The following DGKB variants were observed in gnomAD, a reference collection of about 807,000 sequenced individuals.
DGKB encodes 90 kDa diacylglycerol kinase.
DGKB carries 67 observed loss-of-function variants against 114.3 expected under a neutral mutation model. That is an observed-to-expected ratio of 0.59 (90% confidence interval 0.48 to 0.72). The LOEUF is 0.72. Ranked by LOEUF, DGKB falls within the 30% of genes least tolerant of loss-of-function variation. DGKB has a pLI of 0.00. For missense variants in DGKB, 907 were observed against 975.2 expected, an observed-to-expected ratio of 0.93 and a Z score of 0.93; for synonymous variants, 398 against 323.1, an observed-to-expected ratio of 1.23 and a Z score of -2.49.
intron 19 of DGKB, among the ~76,000 whole-genome samples, chr7:14,579,956 T>C (rs751383255): frequency 1.3e-5 from 2 of 152,200 alleles, no homozygotes; most frequent in Non-Finnish European, 2.9e-5. Flanking sequence ...GCTAAAAATA[T>C]TTAGCATTCA....
intron 1 of DGKB, among the ~76,000 whole-genome samples, chr7:14,929,327 G>C (rs1185947846): frequency 6.6e-6 from 1 of 152,042 alleles, no homozygotes; most frequent in Non-Finnish European, 1.5e-5. Context: ...CATAGAGGTT[G>C]TACTAAAGTA....
chr7:14,401,998 G>T (rs1823194136), intron 21 of DGKB, among the ~76,000 whole-genome samples: 1 of 150,118 alleles, frequency 6.7e-6, no homozygotes, highest in Admixed American at 6.7e-5. Flanking sequence ...CCGCTATTCA[G>T]CTATGATGAA....
intron 20 of DGKB, among the ~76,000 whole-genome samples, chr7:14,551,395 A>G (rs1019023216): frequency 2.6e-5 from 4 of 152,156 alleles, no homozygotes; most frequent in African/African-American, 9.7e-5. Context: ...TTGTTTCTGG[A>G]TATGTTCTAC....
intron 21 of DGKB, among the ~76,000 whole-genome samples, chr7:14,439,741 G>A (rs142572783): frequency 9.4e-4 from 142 of 151,852 alleles, no homozygotes; most frequent in African/African-American, 3.3e-3. Context: ...GCAGGTGCCT[G>A]TAATCCCAGC....
At chr7:14,920,267 A>G (rs970258980) in intron 1 of DGKB, among the ~76,000 whole-genome samples, 2 of 152,214 alleles carry the variant, frequency 1.3e-5, no homozygotes, top group African/African-American at 4.8e-5. Flanking sequence ...CTGATAATGC[A>G]CTTTTAGTAA....
intron 20 of DGKB, among the ~76,000 whole-genome samples, chr7:14,524,638 C>T: frequency 6.6e-6 from 1 of 151,814 alleles, no homozygotes; most frequent in East Asian, 1.9e-4. Flanking sequence ...TGCCTGTAGT[C>T]CCAGCCATTC....
At chr7:14,376,086 G>T (rs1818440002) in intron 21 of DGKB, among the ~76,000 whole-genome samples, 1 of 152,198 alleles carries the variant, frequency 6.6e-6, no homozygotes, top group Non-Finnish European at 1.5e-5. Flanking sequence ...GAGACTAGAA[G>T]TGACTCTCTC....
intron 2 of DGKB, among the ~76,000 whole-genome samples, chr7:14,831,716 T>A (rs906639323): frequency 6.6e-6 from 1 of 152,124 alleles, no homozygotes; most frequent in Non-Finnish European, 1.5e-5. Context: ...TGCAGCAGGC[T>A]ATCTTATTAC....
At chr7:14,361,733 C>A (rs537159228) in intron 21 of DGKB, among the ~76,000 whole-genome samples, 1 of 152,058 alleles carries the variant, frequency 6.6e-6, no homozygotes, top group Admixed American at 6.6e-5. Context: ...ATACCATTTT[C>A]TCCTATTTAA....
chr7:14,547,449 A>G (rs1302858843), intron 20 of DGKB, among the ~76,000 whole-genome samples: 5 of 152,202 alleles, frequency 3.3e-5, no homozygotes, highest in African/African-American at 1.2e-4. Context: ...ATTACTTAGC[A>G]AATTACAACT....
At chr7:14,618,467 C>T (rs190505549) in intron 15 of DGKB, among the ~76,000 whole-genome samples, 57 of 151,774 alleles carry the variant, frequency 3.8e-4, no homozygotes, top group Non-Finnish European at 7.5e-4. Context: ...GTAACTTCAA[C>T]ATAAACACAG....
rs1377931243 is a variant in DGKB at position 14,582,132 on chromosome 7, A to G, written c.1519+920T>C. On this transcript the variant is annotated intron_variant, in intron 18 of 25. Transcript: ENST00000402815. ...TATACAGAAGGTAAAACTTCTTTTG[A>G]ATCAATTCGTTTTATGAAAGGGCCT... Among the ~76,000 whole-genome samples, 4 of 152,326 alleles carry G rather than the reference A, an allele frequency of 2.6e-5. No homozygotes were observed. The East Asian group carries it at 5.8e-4, about 22-fold the overall frequency.
intron 13 of DGKB, among the ~76,000 whole-genome samples, chr7:14,655,896 AAG>A (rs971198158): frequency 1.3e-5 from 2 of 151,682 alleles, no homozygotes; most frequent in Non-Finnish European, 3.0e-5. Flanking sequence ...GAGAAAGGCA[AAG>A]AGAGAAGTTG....
intron 1 of DGKB, among the ~76,000 whole-genome samples, chr7:14,911,093 G>A (rs1017725441): frequency 4.6e-5 from 7 of 151,804 alleles, no homozygotes; most frequent in African/African-American, 1.7e-4. Context: ...TATATATATT[G>A]ACCTTACAAT....
At chr7:14,441,457 G>T (rs1159413815) in intron 21 of DGKB, among the ~76,000 whole-genome samples, 3 of 151,870 alleles carry the variant, frequency 2.0e-5, no homozygotes, top group Admixed American at 6.6e-5. Flanking sequence ...TTTTGTGTTT[G>T]TTTGATGCAC....
chr7:14,957,112 C>A (rs1282470526), intron 1 of DGKB, among the ~76,000 whole-genome samples: 2 of 151,784 alleles, frequency 1.3e-5, no homozygotes, highest in East Asian at 3.9e-4. Context: ...CAAAGTTTAG[C>A]ATCTAATTAA....
intron 5 of DGKB, among the ~76,000 whole-genome samples, chr7:14,721,186 C>G (rs1180346245): frequency 6.6e-6 from 1 of 152,032 alleles, no homozygotes; most frequent in Admixed American, 6.6e-5. Context: ...GAAAGAAAGC[C>G]AAATATATTA....
At chr7:14,951,713 A>C (rs890829855) in intron 1 of DGKB, among the ~76,000 whole-genome samples, 3 of 151,964 alleles carry the variant, frequency 2.0e-5, no homozygotes, top group African/African-American at 7.2e-5. Context: ...AAATTACCAC[A>C]CTAATGCAAG....
chr7:14,922,661 G>A (rs1245849408), intron 1 of DGKB, among the ~76,000 whole-genome samples: 2 of 152,078 alleles, frequency 1.3e-5, no homozygotes, highest in Non-Finnish European at 2.9e-5. Flanking sequence ...AGCTAGGATA[G>A]TATTGTTACC....
Sources: gnomAD v4.1 joint callset for allele counts (sites outside exome capture counted in the v4.1 genomes callset) on GRCh38, gnomAD v4.1.1 for gene constraint, MANE v1.5 for transcripts, NCBI Gene and HGNC (gene_info 2026-07-23, HGNC 2026-07-21) for gene names.